C8orf34: variants seen among roughly 807,000 people sequenced by gnomAD.
C8orf34 encodes the protein uncharacterized protein C8orf34.
Under a neutral mutation model 68.3 loss-of-function variants are expected in C8orf34, and 65 were observed. That is an observed-to-expected ratio of 0.95 (90% CI 0.78 to 1.17). The LOEUF (loss-of-function observed/expected upper bound fraction) is 1.17, where lower values mean the gene tolerates loss of function less well. Among genes scored for constraint, C8orf34 ranks in the 50% most tolerant of loss-of-function variants. The probability of loss-of-function intolerance (pLI) is 0.00; values close to 1 mark genes in which losing one functional copy is unlikely to be tolerated. For missense variants in C8orf34, 664 were observed against 655.4 expected (o/e 1.01, Z -0.14); for synonymous variants, 244 against 241.2 (o/e 1.01, Z -0.11).
intron 7 of C8orf34, among the ~76,000 whole-genome samples, chr8:68,638,983 T>C (rs1474521153): frequency 6.6e-6 from 1 of 151,526 alleles, no homozygotes; most frequent in Non-Finnish European, 1.5e-5. Context: ...GGCAGGAGAG[T>C]AGCAAAAATA....
intron 8 of C8orf34, among the ~76,000 whole-genome samples, chr8:68,694,996 G>GA: frequency 1.3e-5 from 2 of 152,010 alleles, no homozygotes; most frequent in East Asian, 3.9e-4. Flanking sequence ...TTTACTATCC[G>GA]AATTTATATT....
chr8:68,398,464 A>G (rs1374414914), intron 1 of C8orf34, among the ~76,000 whole-genome samples: 1 of 152,172 alleles, frequency 6.6e-6, no homozygotes, highest in South Asian at 2.1e-4. Flanking sequence ...TACTAACATA[A>G]TATTTTGAAA....
chr8:68,719,834 G>A (rs2129526399), intron 9 of C8orf34, among the ~76,000 whole-genome samples: 1 of 151,942 alleles, frequency 6.6e-6, no homozygotes, highest in African/African-American at 2.4e-5. Context: ...TAAGTCAATA[G>A]ATTACTGAAA....
chr8:68,518,523 G>A (rs1430279518), intron 5 of C8orf34, among the ~76,000 whole-genome samples: 1 of 152,122 alleles, frequency 6.6e-6, no homozygotes, highest in East Asian at 1.9e-4. Context: ...AGTATATCAA[G>A]CCAGAAAAAG....
intron 4 of C8orf34, among the ~76,000 whole-genome samples, chr8:68,475,128 C>G (rs1165122603): frequency 1.3e-5 from 2 of 152,168 alleles, no homozygotes; most frequent in Non-Finnish European, 2.9e-5. Flanking sequence ...CTTATGTTGT[C>G]CTCATGCCCT....
At chr8:68,700,780 T>C (rs1035841738) in intron 8 of C8orf34, among the ~76,000 whole-genome samples, 1 of 152,138 alleles carries the variant, frequency 6.6e-6, no homozygotes, top group Non-Finnish European at 1.5e-5. Flanking sequence ...TTTTGACTTT[T>C]TTAAGGCTTC....
At chr8:68,614,661 T>C (rs1490215511) in intron 7 of C8orf34, among the ~76,000 whole-genome samples, 1 of 152,186 alleles carries the variant, frequency 6.6e-6, no homozygotes, top group East Asian at 1.9e-4. Flanking sequence ...TCTGTTTTTG[T>C]ACCAGTACCA....
intron 10 of C8orf34, among the ~76,000 whole-genome samples, chr8:68,759,283 T>C (rs1822959765): frequency 6.6e-6 from 1 of 152,234 alleles, no homozygotes; most frequent in African/African-American, 2.4e-5. Context: ...AAGTTAAATT[T>C]AACTACAATT....
chr8:68,660,751 C>T (rs548720724), intron 8 of C8orf34, among the ~76,000 whole-genome samples: 2 of 152,240 alleles, frequency 1.3e-5, no homozygotes, highest in South Asian at 2.1e-4. Flanking sequence ...CCAAGTGGCC[C>T]TCCTCAAACA....
At chr8:68,540,199 TAA>T (rs1412435178) in intron 7 of C8orf34, among the ~76,000 whole-genome samples, 2 of 151,830 alleles carry the variant, frequency 1.3e-5, no homozygotes, top group East Asian at 1.9e-4. Flanking sequence ...GGAAAAAATA[TAA>T]GTGTTCTAAT....
At chr8:68,490,284 C>T (rs1028862755) in intron 5 of C8orf34, among the ~76,000 whole-genome samples, 5 of 152,118 alleles carry the variant, frequency 3.3e-5, no homozygotes, top group African/African-American at 1.2e-4. Context: ...TAAATTAGCT[C>T]GTATGCGGTT....
chr8:68,748,203 A>T (rs967999713), intron 10 of C8orf34, among the ~76,000 whole-genome samples: 9 of 127,376 alleles, frequency 7.1e-5, no homozygotes, highest in African/African-American at 1.6e-4. Flanking sequence ...CTGAAACTGG[A>T]TCCCTTCCTT....
intron 3 of C8orf34, among the ~76,000 whole-genome samples, chr8:68,458,759 G>A (rs1320827123): frequency 1.3e-5 from 2 of 152,120 alleles, no homozygotes; most frequent in Admixed American, 1.3e-4. Context: ...GATTGATCAC[G>A]GTTACTGTGT....
intron 6 of C8orf34, chr8:68,525,731 T>A: frequency 1.6e-6 from 1 of 638,286 alleles, no homozygotes; most frequent in African/African-American, 1.8e-5. Context: ...CACAACAATC[T>A]TCCCAGCTCT....
At chr8:68,443,274 G>T (rs916433226) in intron 2 of C8orf34, among the ~76,000 whole-genome samples, 2 of 152,026 alleles carry the variant, frequency 1.3e-5, no homozygotes, top group African/African-American at 4.8e-5. Flanking sequence ...CAGGAAGGAA[G>T]AGAAAAGCAT....
chr8:68,658,219 C>T (rs1173584302), intron 8 of C8orf34, among the ~76,000 whole-genome samples: 1 of 152,160 alleles, frequency 6.6e-6, no homozygotes, highest in African/African-American at 2.4e-5. Flanking sequence ...CTGTAATACA[C>T]CATTCAGTAG....
At chr8:68,485,864 G>T (rs929160051) in intron 4 of C8orf34, among the ~76,000 whole-genome samples, 6 of 151,666 alleles carry the variant, frequency 4.0e-5, no homozygotes, top group Non-Finnish European at 8.8e-5. Flanking sequence ...ACAGAATTCT[G>T]TTTCATATTA....
At chr8:68,798,343 G>A (rs565893615) in intron 12 of C8orf34, among the ~76,000 whole-genome samples, 1 of 145,376 alleles carries the variant, frequency 6.9e-6, no homozygotes, top group African/African-American at 2.6e-5. Context: ...AGGCTGAAGT[G>A]CAGTGTGCAG....
chr8:68,475,948 A>T lies in C8orf34; in HGVS notation c.736+7128A>T, dbSNP rs951061178. Among the ~76,000 whole-genome samples the T allele has an allele frequency of 3.9e-5, 6 of 152,312 alleles. No individual in the cohort carries two copies. The East Asian group carries it at 1.2e-3, about 29-fold the overall frequency. ...AAAAGAGAGCCCAGCTGCTGGGGGAACAGAGGACAGATATTTATGCTCTGT... is the reference window on the plus strand; with the variant it reads ...AAAAGAGAGCCCAGCTGCTGGGGGATCAGAGGACAGATATTTATGCTCTGT... On this transcript the variant is annotated intron_variant, in intron 4 of 13. Transcript: ENST00000518698.
Sources: allele counts gnomAD v4.1 joint callset (sites outside exome capture counted in the v4.1 genomes callset), GRCh38; gene constraint gnomAD v4.1.1; transcripts MANE v1.5; gene names NCBI Gene and HGNC (gene_info 2026-07-23, HGNC 2026-07-21).